The following OPHN1 variants were observed in gnomAD, a reference collection of about 807,000 sequenced individuals.
OPHN1 encodes the protein oligophrenin 1.
OPHN1 carries 11 observed loss-of-function variants against 60.7 expected under a neutral mutation model. The ratio of observed to expected loss-of-function variants is 0.18; its 90% CI spans 0.11 to 0.30. OPHN1 has a LOEUF of 0.30. Among genes scored for constraint, OPHN1 ranks in the 10% least tolerant of loss-of-function variants. The pLI is 1.00. For missense variants in OPHN1, 449 were observed against 611.0 expected, an observed-to-expected ratio of 0.73 and a Z score of 2.80; for synonymous variants, 226 against 222.6, an observed-to-expected ratio of 1.02 and a Z score of -0.14.
chrX:68,096,740 G>T, intron 19 of OPHN1, 130 bp downstream of exon 19: 1 of 647,311 alleles, frequency 1.5e-6, no homozygotes, highest in Non-Finnish European at 2.5e-6. Context: ...GCCATTAAAT[G>T]TCATTGTGTC....
intron 2 of OPHN1, among the ~76,000 whole-genome samples, chrX:68,391,838 C>T (rs1158758973): frequency 9.0e-6 from 1 of 111,245 alleles, no homozygotes; most frequent in Non-Finnish European, 1.9e-5. Flanking sequence ...CCAAGGATCG[C>T]AGACAGCCAC....
chrX:68,083,634 CTGTT>C (rs1847001353), intron 19 of OPHN1, among the ~76,000 whole-genome samples: 1 of 112,565 alleles, frequency 8.9e-6, no homozygotes, highest in Admixed American at 9.4e-5. Flanking sequence ...ACTTGGCTAA[CTGTT>C]TGGCACAAGA....
chrX:68,200,560 C>T (rs1003644183), intron 11 of OPHN1, among the ~76,000 whole-genome samples: 4 of 111,763 alleles, frequency 3.6e-5, no homozygotes, highest in South Asian at 3.8e-4. Context: ...GGCAACAATA[C>T]GTACTTTCAG....
chrX:68,133,545 C>A, intron 15 of OPHN1: 1 of 423,567 alleles, frequency 2.4e-6, no homozygotes, highest in Non-Finnish European at 4.5e-6. Context: ...ATTTTGCATC[C>A]TGAGAACACT....
intron 2 of OPHN1, among the ~76,000 whole-genome samples, chrX:68,333,083 G>A (rs1420621513): frequency 1.8e-5 from 2 of 110,125 alleles, no homozygotes; most frequent in Non-Finnish European, 3.8e-5. Context: ...TTAAGCCATA[G>A]TATATATAAC....
At chrX:68,230,833 C>T in intron 6 of OPHN1, among the ~76,000 whole-genome samples, 1 of 108,782 alleles carries the variant, frequency 9.2e-6, no homozygotes, top group African/African-American at 3.4e-5. Context: ...TTAATGGGTG[C>T]AGCACACCAA....
chrX:68,395,312 G>A (rs926447727), intron 2 of OPHN1, among the ~76,000 whole-genome samples: 4 of 108,970 alleles, frequency 3.7e-5, no homozygotes, highest in South Asian at 4.0e-4. Flanking sequence ...TCTGTCACTC[G>A]GGCTGGAGTA....
rs72307579 is a variant in OPHN1, at chrX:68,052,289, C to CA, written c.2375+250dup. On this transcript the variant is annotated intron_variant, in intron 23 of 24. Transcript: ENST00000355520. Reference sequence around the variant, plus strand: ...TGGGCAACAGAGTGAGACACCATCTCAAAAAAAAAAAAAAAAGGACAGAGA... The same window carrying CA: ...TGGGCAACAGAGTGAGACACCATCTCAAAAAAAAAAAAAAAAAGGACAGAGA... Among the ~76,000 whole-genome samples, 29,803 of 60,895 alleles carry CA rather than the reference C, an allele frequency of 0.49. 7,014 individuals are homozygous for CA. The highest frequency in any genetic ancestry group is 0.78 in the African/African-American group (14,499 of 18,646). 52.9% of individuals were successfully genotyped at this position (60,895 alleles called of 115,157 possible).
chrX:68,403,247 G>A (rs1284278556), intron 2 of OPHN1, among the ~76,000 whole-genome samples: 1 of 112,019 alleles, frequency 8.9e-6, no homozygotes, highest in Non-Finnish European at 1.9e-5. Context: ...TTGGGAGTTT[G>A]TCTTGGAAGC....
At chrX:68,224,030 G>A (rs933869781) in intron 6 of OPHN1, among the ~76,000 whole-genome samples, 1 of 111,440 alleles carries the variant, frequency 9.0e-6, no homozygotes, top group African/African-American at 3.3e-5. Context: ...TCCTCTAATA[G>A]TAATGGACAG....
At chrX:68,422,635 GA>G (rs1360580761) in intron 2 of OPHN1, among the ~76,000 whole-genome samples, 1 of 63,022 alleles carries the variant, frequency 1.6e-5, no homozygotes, top group African/African-American at 5.3e-5. Flanking sequence ...AAAGAAAAAG[GA>G]AGGAAGGAAG....
In OPHN1 at chrX:68,410,879, C is replaced by T. The variant is rs779973929; in HGVS notation, c.154+21988G>A. Among the ~76,000 whole-genome samples, 183 of 111,683 alleles carry T rather than the reference C, an allele frequency of 1.6e-3. 1 individual carries two copies. The highest frequency in any genetic ancestry group is 4.6e-3 in the Middle Eastern group (1 of 218). On this transcript the variant is annotated intron_variant, in intron 2 of 24. Coordinates refer to ENST00000355520, the MANE Select transcript of OPHN1 (RefSeq NM_002547.3). ...CAAAAAGTGGAAGCAACCTAAGTGT[C>T]CATCAATAGGTGAATGGATAAACAA...
chrX:68,156,282 T>A (rs185000716), intron 15 of OPHN1, among the ~76,000 whole-genome samples: 27 of 96,709 alleles, frequency 2.8e-4, no homozygotes, highest in Non-Finnish European at 3.8e-4. Context: ...TTCTGATGAA[T>A]CAGAATCTCT....
At chrX:68,349,406 T>C (rs943383233) in intron 2 of OPHN1, among the ~76,000 whole-genome samples, 4 of 111,198 alleles carry the variant, frequency 3.6e-5, no homozygotes, top group African/African-American at 1.3e-4. Flanking sequence ...AGTCAGGAAA[T>C]AACAGATGCT....
chrX:68,394,791 C>A (rs865962944), intron 2 of OPHN1, among the ~76,000 whole-genome samples: 85 of 111,009 alleles, frequency 7.7e-4, no homozygotes, highest in African/African-American at 2.6e-3. Context: ...GGACTACAGG[C>A]ACGCGCTACC....
At chrX:68,272,899 A>G (rs2077976126) in intron 5 of OPHN1, among the ~76,000 whole-genome samples, 1 of 112,371 alleles carries the variant, frequency 8.9e-6, no homozygotes, top group African/African-American at 3.2e-5. Context: ...AAGTATTTTT[A>G]TCCTCAGTTG....
intron 10 of OPHN1, among the ~76,000 whole-genome samples, chrX:68,203,201 G>A (rs770797203): frequency 8.9e-6 from 1 of 111,742 alleles, no homozygotes; most frequent in African/African-American, 3.3e-5. Flanking sequence ...GCTGCAGTGC[G>A]CCAAGATCGT....
intron 23 of OPHN1, 64 bp downstream of exon 23, chrX:68,052,476 G>T: frequency 1.0e-6 from 1 of 978,806 alleles, no homozygotes; most frequent in Non-Finnish European, 1.4e-6. Flanking sequence ...GAGCACAATT[G>T]TATGCTAAGG....
At chrX:68,066,877 C>T (rs960805851) in intron 20 of OPHN1, among the ~76,000 whole-genome samples, 8 of 111,920 alleles carry the variant, frequency 7.1e-5, no homozygotes, top group Middle Eastern at 4.6e-3. Context: ...AATAAAAGTT[C>T]GGTGCCATCC....
Sources: gnomAD v4.1 joint callset for allele counts (sites outside exome capture counted in the v4.1 genomes callset) on GRCh38, gnomAD v4.1.1 for gene constraint, MANE v1.5 for transcripts, NCBI Gene and HGNC (gene_info 2026-07-23, HGNC 2026-07-21) for gene names.